CELF6: variants seen among roughly 807,000 people sequenced by gnomAD.
CELF6 encodes CUGBP Elav-like family member 6, also known as Bruno -like 6, RNA binding protein.
CELF6 carries 32 observed loss-of-function variants against 53.1 expected under a neutral mutation model. The ratio of observed to expected loss-of-function variants is 0.60; its 90% CI spans 0.46 to 0.81. The LOEUF is 0.81. Ranked by LOEUF, CELF6 falls within the 30% of genes least tolerant of loss-of-function variation. The pLI is 0.00. For synonymous variants in CELF6, 291 were observed against 288.8 expected (o/e 1.01, Z -0.08); for missense variants, 539 against 669.5 (o/e 0.81, Z 2.15).
chr15:72,300,435 G>A (rs776662615), intron 3 of CELF6, among the ~76,000 whole-genome samples: 1 of 151,810 alleles, frequency 6.6e-6, no homozygotes, highest in Non-Finnish European at 1.5e-5. Context: ...CAATATGTAT[G>A]TTGGTTATTT....
Position 72,319,944 on chromosome 15 carries a change from G to T in CELF6, c.-70C>A, listed in dbSNP as rs952525874. On this transcript the variant is annotated 5_prime_UTR_variant, in exon 1 of 13. Transcript: ENST00000287202. The surrounding 1 kb of genome is among the most constrained non-coding windows in gnomAD (Gnocchi z 5.0). Reference sequence around the variant, plus strand: ...TGTCCCGCCGTCCCCTCCCTGGACCGGTGGCGAGGGCCAGGGGGAGGGGGC... The same window carrying T: ...TGTCCCGCCGTCCCCTCCCTGGACCTGTGGCGAGGGCCAGGGGGAGGGGGC... The T allele has an allele frequency of 1.4e-6, 2 of 1,384,816 alleles. No homozygotes were observed. The highest frequency in any genetic ancestry group is 1.5e-5 in the African/African-American group (1 of 65,360). 85.8% of individuals were successfully genotyped at this position (1,384,816 alleles called of 1,614,324 possible).
In CELF6 at chr15:72,300,700, A is replaced by C. The variant is rs376765605; in HGVS notation, c.394+4046T>G. Reference sequence around the variant, plus strand: ...AATACAAAAATTAGCTGGGCGTGCTAGTGGGCACCTGTTATCACAGCTACT... The same window carrying C: ...AATACAAAAATTAGCTGGGCGTGCTCGTGGGCACCTGTTATCACAGCTACT... On this transcript the variant is annotated intron_variant, in intron 3 of 12. Transcript: ENST00000287202. 2.0e-5 allele frequency among the ~76,000 whole-genome samples: 3 copies of C among 152,046 alleles called. No homozygotes were observed. The East Asian group carries it at 5.9e-4, about 30-fold the overall frequency.
intron 3 of CELF6, among the ~76,000 whole-genome samples, chr15:72,299,608 G>A (rs531479805): frequency 2.4e-4 from 36 of 152,124 alleles, no homozygotes; most frequent in African/African-American, 6.0e-4. Flanking sequence ...CAATCCACCC[G>A]CCTCGGCCTC....
chr15:72,297,214 C>A (rs1362549406), intron 3 of CELF6, among the ~76,000 whole-genome samples: 1 of 152,160 alleles, frequency 6.6e-6, no homozygotes, highest in African/African-American at 2.4e-5. Context: ...CCATGCTATG[C>A]AATAGATCAC....
chr15:72,307,298 C>T (rs2088244157), intron 2 of CELF6, among the ~76,000 whole-genome samples: 1 of 152,112 alleles, frequency 6.6e-6, no homozygotes, highest in Non-Finnish European at 1.5e-5. Flanking sequence ...GTGGTACATA[C>T]ATGTTCCCCC....
In CELF6 at chr15:72,319,686, C is replaced by T. The variant is rs748046485; in HGVS notation, c.189G>A (p.Lys63=). ...TGCGGCCGAACTCCTCGAACAGCGG[C>T]TTGAGGTCCTGCTCGTCCAAGCCCC... The part of the protein sequence containing the change: ...IPRGLDEQDL[K]PLFEEFGRIY... Residue 63 remains lysine (K), a synonymous_variant, in exon 1 of 13, where the codon AAG becomes AAA. Coordinates refer to ENST00000287202, the MANE Select transcript of CELF6 (RefSeq NM_052840.5). This position sits in a 1 kb window ranked among gnomAD's most constrained non-coding sequence, Gnocchi z 5.0. The T allele has an allele frequency of 6.3e-7, 1 of 1,590,036 alleles. No individual in the cohort carries two copies. The highest frequency in any genetic ancestry group is 1.1e-5 in the South Asian group (1 of 87,696).
In CELF6 at chr15:72,311,419, TTG is replaced by T. The variant is rs1456101808; in HGVS notation, c.345+4424_345+4425del. Among the ~76,000 whole-genome samples the T allele has an allele frequency of 2.6e-5, 4 of 151,604 alleles. No individual in the cohort carries two copies. The South Asian group carries it at 6.3e-4, about 24-fold the overall frequency. On this transcript the variant is annotated intron_variant, in intron 2 of 12. Transcript: ENST00000287202. ...TCACCTTTTTTCTTTTTTTTTTTTT[TTG>T]AGACAGAGTCTCGCTCTGTCACCCA...
intron 1 of CELF6, among the ~76,000 whole-genome samples, chr15:72,316,984 G>A (rs2088371552): frequency 6.6e-6 from 1 of 152,164 alleles, no homozygotes; most frequent in South Asian, 2.1e-4. Flanking sequence ...TAACAATCAG[G>A]TGATGAAAAG....
chr15:72,317,427 G>A (rs575525286), intron 1 of CELF6, among the ~76,000 whole-genome samples: 25 of 152,200 alleles, frequency 1.6e-4, no homozygotes, highest in East Asian at 1.2e-3. Context: ...GTTTATTGCC[G>A]GACATTCATT....
intron 2 of CELF6, among the ~76,000 whole-genome samples, chr15:72,313,095 CAGTCACCATT>C (rs2088319117): frequency 6.6e-6 from 1 of 152,248 alleles, no homozygotes; most frequent in Non-Finnish European, 1.5e-5. Flanking sequence ...AAGATGTCCC[CAGTCACCATT>C]CTCTCTAGAA....
intron 2 of CELF6, among the ~76,000 whole-genome samples, chr15:72,309,999 G>A (rs1455873029): frequency 2.0e-5 from 3 of 152,130 alleles, no homozygotes; most frequent in Admixed American, 6.5e-5. Context: ...GCACAGACAC[G>A]CACAGGGCCC....
rs1595788734 is a variant in CELF6, at chr15:72,319,536, A to G, written c.262+77T>C. The G allele has an allele frequency of 2.2e-6, 3 of 1,383,052 alleles. No individual in the cohort carries two copies. Among genetic ancestry groups the G allele is most frequent in the Middle Eastern group, 2.6e-4 (1 of 3,852 alleles). 85.7% of individuals were successfully genotyped at this position (1,383,052 alleles called of 1,614,324 possible). A position where few individuals can be genotyped will look rare whatever the true frequency, so the allele number is the denominator to read the frequency against. ...TGTTGGACTGGCTCTCGGCAGGGCT[A>G]GGGCTGGGGCTGGGCTGGGGTCGGG... On this transcript the variant is annotated intron_variant, in intron 1 of 12. Coordinates refer to ENST00000287202, the MANE Select transcript of CELF6 (RefSeq NM_052840.5). This position sits in a 1 kb window ranked among gnomAD's most constrained non-coding sequence, Gnocchi z 5.0.
At chr15:72,287,180 A>T in intron 12 of CELF6, 57 bp downstream of exon 12, 10 of 1,509,198 alleles carry the variant, frequency 6.6e-6, no homozygotes, top group Non-Finnish European at 9.0e-6. Context: ...GGACCATCAA[A>T]GCTGGGAGGG....
At chr15:72,312,261 A>G (rs1485634900) in intron 2 of CELF6, among the ~76,000 whole-genome samples, 2 of 152,202 alleles carry the variant, frequency 1.3e-5, no homozygotes, top group African/African-American at 4.8e-5. Context: ...GCAAGCTTTC[A>G]TAGGGGACAG....
intron 3 of CELF6, among the ~76,000 whole-genome samples, chr15:72,295,271 G>A (rs2141190216): frequency 6.6e-6 from 1 of 151,844 alleles, no homozygotes; most frequent in Non-Finnish European, 1.5e-5. Context: ...GGAGGTGGAG[G>A]TTTGCAGTGA....
At chr15:72,307,044 C>T (rs1273627054) in intron 2 of CELF6, among the ~76,000 whole-genome samples, 2 of 151,742 alleles carry the variant, frequency 1.3e-5, no homozygotes, top group African/African-American at 4.8e-5. Context: ...GGGAAGAAGG[C>T]CAAAAGAGTA....
chr15:72,318,608 G>A (rs932107297), intron 1 of CELF6, among the ~76,000 whole-genome samples: 9 of 152,132 alleles, frequency 5.9e-5, no homozygotes, highest in African/African-American at 2.2e-4. Flanking sequence ...ATGTAAACAA[G>A]CCTCCTCCCT....
chr15:72,300,547 A>T (rs1372371924), intron 3 of CELF6, among the ~76,000 whole-genome samples: 1 of 152,162 alleles, frequency 6.6e-6, no homozygotes, highest in African/African-American at 2.4e-5. Context: ...TTTGTAAAAA[A>T]GCTAGGTTGG....
chr15:72,302,905 G>C (rs1265101225), intron 3 of CELF6, among the ~76,000 whole-genome samples: 1 of 152,168 alleles, frequency 6.6e-6, no homozygotes, highest in Non-Finnish European at 1.5e-5. Context: ...CCCCTTGTTT[G>C]TGTCCCCACA....
Sources: gnomAD v4.1 joint callset for allele counts (sites outside exome capture counted in the v4.1 genomes callset) on GRCh38, gnomAD v4.1.1 for gene constraint, Gnocchi (gnomAD v3.1) non-coding constraint, MANE v1.5 for transcripts, NCBI Gene and HGNC (gene_info 2026-07-23, HGNC 2026-07-21) for gene names.